The following MRPS9 variants were observed in gnomAD, a reference collection of about 807,000 sequenced individuals.
The protein encoded by MRPS9 is small ribosomal subunit protein uS9m.
A neutral mutation model predicts 59.9 loss-of-function variants in MRPS9; 45 were observed. The ratio of observed to expected loss-of-function variants is 0.75; its 90% CI spans 0.59 to 0.96. The LOEUF is 0.96. MRPS9 is among the 40% of genes least tolerant of loss of function. MRPS9 has a pLI of 0.00. For missense variants in MRPS9, 473 were observed against 481.1 expected (o/e 0.98, Z 0.16); for synonymous variants, 171 against 166.8 (o/e 1.03, Z -0.19).
chr2:105,059,848 T>C (rs1679862663), intron 2 of MRPS9, among the ~76,000 whole-genome samples: 1 of 152,100 alleles, frequency 6.6e-6, no homozygotes, highest in South Asian at 2.1e-4. Flanking sequence ...CTGGGGCCAA[T>C]GAACACTGAC....
chr2:105,075,909 A>G (rs984245283), intron 4 of MRPS9, among the ~76,000 whole-genome samples: 4 of 152,286 alleles, frequency 2.6e-5, no homozygotes, highest in East Asian at 1.9e-4. Flanking sequence ...AAATATATCA[A>G]TAGATCCCAT....
At chr2:105,085,548 C>A (rs930467681) in intron 5 of MRPS9, among the ~76,000 whole-genome samples, 1 of 152,246 alleles carries the variant, frequency 6.6e-6, no homozygotes, top group East Asian at 1.9e-4. Context: ...CAGAAGGATA[C>A]TAAAAATCAT....
At chr2:105,087,957 G>A (rs1344830656) in intron 5 of MRPS9, among the ~76,000 whole-genome samples, 2 of 152,086 alleles carry the variant, frequency 1.3e-5, no homozygotes, top group Non-Finnish European at 2.9e-5. Flanking sequence ...GCAACATTAT[G>A]TGGTAATATG....
intron 2 of MRPS9, among the ~76,000 whole-genome samples, chr2:105,051,654 G>A (rs913239763): frequency 1.3e-5 from 2 of 152,120 alleles, no homozygotes; most frequent in Non-Finnish European, 2.9e-5. Context: ...TGTTAGTTAA[G>A]TCTTCTGATC....
At chr2:105,048,387 G>T (rs893913744) in intron 1 of MRPS9, among the ~76,000 whole-genome samples, 5 of 151,790 alleles carry the variant, frequency 3.3e-5, no homozygotes, top group Non-Finnish European at 7.4e-5. Context: ...AGCGTTAGGA[G>T]ATATACCTAA....
intron 4 of MRPS9, among the ~76,000 whole-genome samples, chr2:105,073,382 G>A (rs1027655066): frequency 3.2e-4 from 49 of 152,088 alleles, no homozygotes; most frequent in Non-Finnish European, 5.0e-4. Flanking sequence ...ATTATCTTAA[G>A]TTGTAGTTTA....
At chr2:105,048,382 T>C (rs2104440592) in intron 1 of MRPS9, among the ~76,000 whole-genome samples, 1 of 151,888 alleles carries the variant, frequency 6.6e-6, no homozygotes, top group East Asian at 1.9e-4. Context: ...GGGATAGCGT[T>C]AGGAGATATA....
chr2:105,082,383 A>G (rs937314654), intron 5 of MRPS9, among the ~76,000 whole-genome samples: 5 of 152,162 alleles, frequency 3.3e-5, no homozygotes, highest in Admixed American at 1.3e-4. Context: ...GCCTGTGTGC[A>G]GTTATGTGAG....
intron 2 of MRPS9, among the ~76,000 whole-genome samples, chr2:105,068,811 T>A (rs1330340566): frequency 6.6e-6 from 1 of 152,262 alleles, no homozygotes; most frequent in Non-Finnish European, 1.5e-5. Context: ...AGTACTTGAT[T>A]GCACAGATGT....
In MRPS9 at chr2:105,089,927, A is replaced by C; in HGVS notation, c.583A>C (p.Ile195Leu). 1 of 1,608,168 alleles carries C rather than the reference A, an allele frequency of 6.2e-7. No individual in the cohort carries two copies. Among genetic ancestry groups the C allele is most frequent in the Non-Finnish European group, 8.5e-7 (1 of 1,175,596 alleles). The change falls in exon 7 of 11, where the codon ATT (isoleucine) becomes CTT (leucine). Residue 195 changes from isoleucine to leucine, a missense_variant. Transcript: ENST00000258455. ...TATGTGATATTTTAACAGAGACGTGATTGGCAGCAGATGGCTGATTAAGGA... is the reference window on the plus strand; with the variant it reads ...TATGTGATATTTTAACAGAGACGTGCTTGGCAGCAGATGGCTGATTAAGGA... ...LPEKTVTRDV[I>L]GSRWLIKEEL...
At chr2:105,071,132 T>C (rs1005056260) in intron 2 of MRPS9, among the ~76,000 whole-genome samples, 181 bp from the exon 3 acceptor site, 7 of 152,242 alleles carry the variant, frequency 4.6e-5, no homozygotes, top group Admixed American at 6.5e-5. Context: ...AGTTTAATAG[T>C]TAAATTTTTT....
At chr2:105,071,178 A>G in intron 2 of MRPS9, 135 bp from the exon 3 acceptor site, 1 of 654,274 alleles carries the variant, frequency 1.5e-6, no homozygotes, top group South Asian at 2.7e-5. Context: ...TTATCATCCC[A>G]TTGAAACATT....
At chr2:105,095,743 C>T (rs574888070) in intron 9 of MRPS9, among the ~76,000 whole-genome samples, 6 of 151,972 alleles carry the variant, frequency 3.9e-5, no homozygotes, top group African/African-American at 7.2e-5. Flanking sequence ...GTGATCTGCC[C>T]GCCTCGGCCT....
At chr2:105,072,932 T>C (rs893536882) in intron 4 of MRPS9, among the ~76,000 whole-genome samples, 1 of 152,206 alleles carries the variant, frequency 6.6e-6, no homozygotes, top group African/African-American at 2.4e-5. Flanking sequence ...ATACCATCGA[T>C]TTAATAATAG....
At chr2:105,053,407 A>G (rs1230462484) in intron 2 of MRPS9, among the ~76,000 whole-genome samples, 1 of 152,214 alleles carries the variant, frequency 6.6e-6, no homozygotes, top group Non-Finnish European at 1.5e-5. Flanking sequence ...GTTATTTTAT[A>G]TATTTTAGAA....
chr2:105,099,756 C>T lies in MRPS9; in HGVS notation c.1186C>T (p.Arg396Cys). The change falls in exon 11 of 11, where the codon CGC (arginine) becomes TGC (cysteine). Residue 396 changes from arginine (R) to cysteine (C), a missense_variant. Physicochemically the swap from Arg to Cys is radical, Grantham distance 180 (BLOSUM62 -3). Transcript: ENST00000258455. ...GARRKFTWKKR is the reference protein window; with the variant it reads ...GARRKFTWKKC ...CCGCAGAAAGTTTACGTGGAAGAAA[C>T]GCTAAGGGTTTGCTCCCAGGAAAGG... 3 of 1,614,004 alleles carry T rather than the reference C, an allele frequency of 1.9e-6. No homozygotes were observed. The highest frequency in any genetic ancestry group is 2.5e-6 in the Non-Finnish European group (3 of 1,179,980).
chr2:105,095,165 A>G (rs1680632428), intron 9 of MRPS9, among the ~76,000 whole-genome samples: 1 of 152,170 alleles, frequency 6.6e-6, no homozygotes. Context: ...ACCATTGACT[A>G]ATAGGAAGAC....
chr2:105,085,302 A>G (rs577723904), intron 5 of MRPS9, among the ~76,000 whole-genome samples: 19 of 152,172 alleles, frequency 1.2e-4, no homozygotes, highest in Admixed American at 5.2e-4. Context: ...TGGCCAAAAA[A>G]TTGAGGAGAG....
At chr2:105,089,210 A>G in intron 6 of MRPS9, 141 bp downstream of exon 6, 2 of 553,680 alleles carry the variant, frequency 3.6e-6, no homozygotes, top group Non-Finnish European at 6.3e-6. Flanking sequence ...GTTCAAAATA[A>G]TAGATAGTTT....
Sources: allele counts gnomAD v4.1 joint callset (sites outside exome capture counted in the v4.1 genomes callset), GRCh38; gene constraint gnomAD v4.1.1; transcripts MANE v1.5; gene names NCBI Gene and HGNC (gene_info 2026-07-23, HGNC 2026-07-21).